The following RPS6KA5 variants were observed in gnomAD, a reference collection of about 807,000 sequenced individuals.
The protein encoded by RPS6KA5 is ribosomal protein S6 kinase A5, also known as ribosomal protein S6 kinase alpha-5.
A neutral mutation model predicts 85.5 loss-of-function variants in RPS6KA5; 27 were observed. That is an observed-to-expected ratio of 0.32 (90% CI 0.23 to 0.44). The LOEUF (loss-of-function observed/expected upper bound fraction) is 0.44. Ranked by LOEUF, RPS6KA5 falls within the 20% of genes least tolerant of loss-of-function variation. The pLI is 1.00. For synonymous variants in RPS6KA5, 334 were observed against 348.2 expected, an observed-to-expected ratio of 0.96 and a Z score of 0.46; for missense variants, 811 against 980.9, an observed-to-expected ratio of 0.83 and a Z score of 2.31.
At chr14:91,004,552 C>T (rs550010292) in intron 1 of RPS6KA5, among the ~76,000 whole-genome samples, 3 of 152,228 alleles carry the variant, frequency 2.0e-5, no homozygotes, top group East Asian at 1.9e-4. Context: ...CTATAGTTAA[C>T]GTATTTTTAA....
intron 13 of RPS6KA5, among the ~76,000 whole-genome samples, chr14:90,891,825 G>A (rs1390686495): frequency 6.6e-6 from 1 of 152,166 alleles, no homozygotes; most frequent in Non-Finnish European, 1.5e-5. Context: ...GCGTGCTTGG[G>A]AGAAGTCTTT....
intron 2 of RPS6KA5, among the ~76,000 whole-genome samples, chr14:91,000,013 G>A (rs1170936649): frequency 6.6e-6 from 1 of 151,200 alleles, no homozygotes; most frequent in African/African-American, 2.4e-5. Context: ...TCCCAAGCTG[G>A]TCTTGAACTC....
chr14:91,024,044 G>A (rs2139807623), intron 1 of RPS6KA5, among the ~76,000 whole-genome samples: 1 of 152,118 alleles, frequency 6.6e-6, no homozygotes, highest in East Asian at 1.9e-4. Flanking sequence ...TTCTTTGCCT[G>A]TTCTCCATTT....
At chr14:90,874,491 A>G (rs1272776318) in intron 15 of RPS6KA5, among the ~76,000 whole-genome samples, 1 of 152,190 alleles carries the variant, frequency 6.6e-6, no homozygotes, top group East Asian at 1.9e-4. Context: ...GGTGAGGAGG[A>G]AACAAAGGCA....
intron 14 of RPS6KA5, among the ~76,000 whole-genome samples, chr14:90,886,634 AAG>A (rs2034245984): frequency 6.6e-6 from 1 of 152,222 alleles, no homozygotes; most frequent in South Asian, 2.1e-4. Flanking sequence ...CTGTAATCCA[AAG>A]AGAGGGCCCT....
Position 90,943,289 on chromosome 14 carries a change from T to C in RPS6KA5, c.511-104A>G, listed in dbSNP as rs2038216316. 4.6e-6 allele frequency: 3 copies of C among 650,534 alleles called. No individual in the cohort carries two copies. The East Asian group carries it at 8.6e-5, about 19-fold the overall frequency. The allele number at this position is 650,534 out of a possible 1,614,324, so 40.3% of individuals were successfully genotyped here. A position where few individuals can be genotyped will look rare whatever the true frequency, so the allele number is the denominator to read the frequency against. On this transcript the variant is annotated intron_variant, in intron 4 of 16. Transcript: ENST00000614987. ...TTTATTTATTTTTTTTTTTAAGGCA[T>C]TTCCCTCCTCAGGATCCTGTAATGG...
chr14:90,973,775 G>C (rs796606667), intron 3 of RPS6KA5, among the ~76,000 whole-genome samples: 1 of 152,018 alleles, frequency 6.6e-6, no homozygotes, highest in African/African-American at 2.4e-5. Flanking sequence ...GGTGGTTCAC[G>C]CCTGTAATCC....
At chr14:90,892,541 A>C (rs891718589) in intron 13 of RPS6KA5, among the ~76,000 whole-genome samples, 1 of 152,184 alleles carries the variant, frequency 6.6e-6, no homozygotes, top group Non-Finnish European at 1.5e-5. Context: ...TTCTGCCTGA[A>C]ACAAATTGGA....
At chr14:90,899,279 T>A (rs1308130670) in intron 12 of RPS6KA5, 50 bp downstream of exon 12, 1 of 1,255,238 alleles carries the variant, frequency 8.0e-7, no homozygotes, top group Admixed American at 2.0e-5. Flanking sequence ...AGTACAACCC[T>A]GTAAGTGAAT....
intron 12 of RPS6KA5, 53 bp downstream of exon 12, chr14:90,899,276 C>T (rs1024798011): frequency 2.4e-6 from 3 of 1,237,504 alleles, no homozygotes; most frequent in Non-Finnish European, 3.5e-6. Flanking sequence ...AAAAGTACAA[C>T]CCTGTAAGTG....
intron 13 of RPS6KA5, among the ~76,000 whole-genome samples, chr14:90,892,216 G>A (rs898266003): frequency 2.0e-5 from 3 of 151,998 alleles, no homozygotes; most frequent in Non-Finnish European, 4.4e-5. Flanking sequence ...TGGCCAGACT[G>A]GTCTCAAACT....
intron 3 of RPS6KA5, among the ~76,000 whole-genome samples, chr14:90,973,029 C>T (rs1050343940): frequency 2.0e-5 from 3 of 152,238 alleles, no homozygotes; most frequent in Non-Finnish European, 4.4e-5. Flanking sequence ...ACCTATGAGA[C>T]AGGCAAATGC....
chr14:90,882,598 G>C (rs192836154), intron 14 of RPS6KA5, among the ~76,000 whole-genome samples: 97 of 152,176 alleles, frequency 6.4e-4, no homozygotes, highest in Non-Finnish European at 1.1e-3. Context: ...AGCTTCTTAC[G>C]GATCTAGAAA....
At chr14:91,032,024 T>C (rs2042206092) in intron 1 of RPS6KA5, among the ~76,000 whole-genome samples, 2 of 152,192 alleles carry the variant, frequency 1.3e-5, no homozygotes, top group African/African-American at 2.4e-5. Context: ...GAGTACTCTT[T>C]GCGGGCGACA....
rs1370131462 is a variant in RPS6KA5, at chr14:90,859,778, C to A, written c.*12296G>T. The A allele has an allele frequency of 6.6e-6, 1 of 152,164 alleles. No homozygotes were observed. The highest frequency in any genetic ancestry group is 1.5e-5 in the Non-Finnish European group (1 of 68,036). The allele number at this position is 152,164 out of a possible 1,614,324, so 9.4% of individuals were successfully genotyped here. Reference sequence around the variant, plus strand: ...GGTTAAGAATTCTAATAAGGAAGGACATCAACCAACAGATTCAGGAAGTTT... The same window carrying A: ...GGTTAAGAATTCTAATAAGGAAGGAAATCAACCAACAGATTCAGGAAGTTT... On this transcript the variant is annotated 3_prime_UTR_variant, in exon 17 of 17. Transcript: ENST00000614987.
At chr14:91,051,556 G>A (rs915395193) in intron 1 of RPS6KA5, among the ~76,000 whole-genome samples, 4 of 151,928 alleles carry the variant, frequency 2.6e-5, no homozygotes, top group Non-Finnish European at 5.9e-5. Context: ...TGGTGCGATC[G>A]CAGCTCACTG....
chr14:90,942,985 AG>A, intron 5 of RPS6KA5, 92 bp downstream of exon 5: 3 of 756,342 alleles, frequency 4.0e-6, no homozygotes, highest in South Asian at 1.6e-5. Flanking sequence ...CAGAATTCAC[AG>A]GGCAGTTTTC....
chr14:90,915,633 C>T (rs993832995), intron 7 of RPS6KA5, among the ~76,000 whole-genome samples: 5 of 151,900 alleles, frequency 3.3e-5, no homozygotes, highest in African/African-American at 1.2e-4. Context: ...ATGGTGAAAC[C>T]CCATCTCTAC....
At chr14:90,962,893 G>A (rs1273749580) in intron 3 of RPS6KA5, among the ~76,000 whole-genome samples, 1 of 152,142 alleles carries the variant, frequency 6.6e-6, no homozygotes, top group East Asian at 1.9e-4. Context: ...AAACATTTCA[G>A]TGTACATTTC....
Sources: allele counts gnomAD v4.1 joint callset (sites outside exome capture counted in the v4.1 genomes callset), GRCh38; gene constraint gnomAD v4.1.1; transcripts MANE v1.5; gene names NCBI Gene and HGNC (gene_info 2026-07-23, HGNC 2026-07-21).